Variants in HIVEP3 observed in about 807,000 individuals in gnomAD.
HIVEP3 encodes the protein transcription factor HIVEP3.
HIVEP3 carries 49 observed loss-of-function variants against 152.8 expected under a neutral mutation model. That is an observed-to-expected ratio of 0.32 (90% CI 0.26 to 0.41). The LOEUF is 0.41. Among genes scored for constraint, HIVEP3 ranks in the 10% least tolerant of loss-of-function variants. HIVEP3 has a pLI of 1.00. For missense variants in HIVEP3, 2,790 were observed against 3,103.3 expected, an observed-to-expected ratio of 0.90 and a Z score of 2.40; for synonymous variants, 1,269 against 1,289.0, an observed-to-expected ratio of 0.98 and a Z score of 0.33.
At chr1:41,538,553 G>T (rs1281998291) in intron 5 of HIVEP3, among the ~76,000 whole-genome samples, 1 of 152,208 alleles carries the variant, frequency 6.6e-6, no homozygotes, top group African/African-American at 2.4e-5. Context: ...CAGCTGGGAA[G>T]ATGGCAGCAG....
intron 1 of HIVEP3, among the ~76,000 whole-genome samples, chr1:41,842,850 T>C (rs1643329407): frequency 6.6e-6 from 1 of 152,198 alleles, no homozygotes; most frequent in Admixed American, 6.5e-5. Flanking sequence ...AGCCTCTTTC[T>C]TCATCAGCAA....
rs751877282 is a variant in HIVEP3, at chr1:41,918,212, G to T, written c.-801+201C>A. On this transcript the variant is annotated intron_variant, in intron 1 of 8. Transcript: ENST00000372583. This position sits in a 1 kb window ranked among gnomAD's most constrained non-coding sequence, Gnocchi z 4.3. ...CCGAGCAGCGCGCTCAGCCCACCGG[G>T]GGCACTGGCCGCCACGCGCAGCCCA... Among the ~76,000 whole-genome samples, 1 of 152,146 alleles carries T rather than the reference G, an allele frequency of 6.6e-6. No individual in the cohort carries two copies. The highest frequency in any genetic ancestry group is 2.1e-4 in the South Asian group (1 of 4,830).
chr1:41,875,733 G>A lies in HIVEP3; in HGVS notation c.-801+42680C>T, dbSNP rs537817188. On this transcript the variant is annotated intron_variant, in intron 1 of 8. Coordinates refer to ENST00000372583, the MANE Select transcript of HIVEP3 (RefSeq NM_024503.5). Reference sequence around the variant, plus strand: ...TGTCCCTGTGCCTGGCAGGTGCCCCGTCACTGGTACAGGCTGTCCCCACCC... The same window carrying A: ...TGTCCCTGTGCCTGGCAGGTGCCCCATCACTGGTACAGGCTGTCCCCACCC... 5.3e-5 allele frequency among the ~76,000 whole-genome samples: 8 copies of A among 152,298 alleles called. 1 individual carries two copies. The highest frequency in any genetic ancestry group is 2.1e-4 in the South Asian group (1 of 4,830).
At chr1:41,779,594 C>G (rs941877526) in intron 1 of HIVEP3, among the ~76,000 whole-genome samples, 10 of 152,368 alleles carry the variant, frequency 6.6e-5, no homozygotes, top group Admixed American at 2.6e-4. Context: ...CTCCAGGGTT[C>G]AAGCGATTCT....
At chr1:41,812,377 C>A (rs1241033516) in intron 1 of HIVEP3, among the ~76,000 whole-genome samples, 1 of 152,120 alleles carries the variant, frequency 6.6e-6, no homozygotes, top group African/African-American at 2.4e-5. Context: ...TTCAAGGCTG[C>A]AGTGAGCTAT....
chr1:41,526,767 TCACACTCACCCTAA>T, intron 5 of HIVEP3, among the ~76,000 whole-genome samples: 1 of 60,892 alleles, frequency 1.6e-5, no homozygotes, highest in Non-Finnish European at 3.4e-5. Context: ...ACACTCACCC[TCACACTCACCCTAA>T]CACACACCCT....
chr1:41,556,379 G>A (rs1437918006), intron 5 of HIVEP3, among the ~76,000 whole-genome samples: 1 of 152,166 alleles, frequency 6.6e-6, no homozygotes, highest in Non-Finnish European at 1.5e-5. Context: ...CATGATTAGT[G>A]AGGTTGAATG....
At chr1:41,730,532 G>C (rs1036635745) in intron 1 of HIVEP3, among the ~76,000 whole-genome samples, 1 of 152,246 alleles carries the variant, frequency 6.6e-6, no homozygotes, top group Non-Finnish European at 1.5e-5. Flanking sequence ...GCAATGCTGG[G>C]GGAGACCCTG....
chr1:41,805,785 G>C (rs1650568571), intron 1 of HIVEP3, among the ~76,000 whole-genome samples: 1 of 152,192 alleles, frequency 6.6e-6, no homozygotes, highest in Non-Finnish European at 1.5e-5. Flanking sequence ...AAAGATTTCT[G>C]ACCCACCTCT....
intron 1 of HIVEP3, among the ~76,000 whole-genome samples, chr1:41,997,829 T>C (rs549576590): frequency 6.6e-6 from 1 of 152,322 alleles, no homozygotes; most frequent in East Asian, 1.9e-4. Flanking sequence ...AATCAAGCAT[T>C]ATTAGTAAAC....
rs114795927 is a variant in HIVEP3 at position 42,020,445 on chromosome 1, G to A, written n.119+15362C>T. Among the ~76,000 whole-genome samples, 877 of 151,142 alleles carry A rather than the reference G, an allele frequency of 5.8e-3. 10 individuals are homozygous for A. Among genetic ancestry groups the A allele is most frequent in the African/African-American group, 0.02 (836 of 41,234 alleles). On this transcript the variant is annotated intron_variant and non_coding_transcript_variant, in intron 1 of 3. Transcript: ENST00000489103. ...TACTTGTGTTAGCTTTGGTATATCAGGTTTTTTGGAATTTGTTTATTTCAT... is the reference window on the plus strand; with the variant it reads ...TACTTGTGTTAGCTTTGGTATATCAAGTTTTTTGGAATTTGTTTATTTCAT...
intron 6 of HIVEP3, among the ~76,000 whole-genome samples, chr1:41,519,014 T>C (rs763291913): frequency 1.3e-5 from 2 of 151,942 alleles, no homozygotes; most frequent in African/African-American, 4.8e-5. Flanking sequence ...TTCTAAAGTG[T>C]AGGTAGAGAA....
chr1:41,814,315 T>G (rs1570593474), intron 1 of HIVEP3, among the ~76,000 whole-genome samples: 1 of 152,008 alleles, frequency 6.6e-6, no homozygotes, highest in Non-Finnish European at 1.5e-5. Flanking sequence ...CACAGGAGAG[T>G]GGGGTCACGT....
intron 1 of HIVEP3, among the ~76,000 whole-genome samples, chr1:42,005,840 T>C (rs940780806): frequency 2.6e-5 from 4 of 152,256 alleles, no homozygotes; most frequent in African/African-American, 9.6e-5. Context: ...TAAAATTTAA[T>C]ACTTTTGCTT....
intron 3 of HIVEP3, among the ~76,000 whole-genome samples, chr1:41,611,055 A>G (rs527313653): frequency 2.6e-5 from 4 of 152,320 alleles, no homozygotes; most frequent in South Asian, 4.2e-4. Flanking sequence ...GTGAGAAAGA[A>G]GGCCGTAGGC....
intron 2 of HIVEP3, among the ~76,000 whole-genome samples, chr1:41,671,522 T>C (rs910889656): frequency 1.3e-5 from 2 of 152,226 alleles, no homozygotes; most frequent in Non-Finnish European, 2.9e-5. Context: ...ACCCTGGCCA[T>C]CCTGTGTCCT....
intron 1 of HIVEP3, among the ~76,000 whole-genome samples, chr1:41,999,966 T>C (rs1645417720): frequency 6.6e-6 from 1 of 152,120 alleles, no homozygotes; most frequent in Non-Finnish European, 1.5e-5. Flanking sequence ...ATGTCCAGAC[T>C]CTACTAGTGA....
In HIVEP3 at chr1:41,510,974, G is replaced by A; in HGVS notation, c.6698C>T (p.Thr2233Ile). ...SGFSGGGSDL[T>I]GAREAQERGR... ...TCGCTCCTGGGCCTCCCGGGCCCCT[G>A]TCAGGTCGCTGCCACCCCCGGAGAA... The change falls in exon 9 of 9, where the codon ACA becomes ATA. Residue 2233 changes from threonine to isoleucine, a missense_variant. Transcript: ENST00000372583. 3 of 1,613,570 alleles carry A rather than the reference G, an allele frequency of 1.9e-6. No homozygotes were observed. The highest frequency in any genetic ancestry group is 2.5e-6 in the Non-Finnish European group (3 of 1,179,850).
chr1:41,741,827 G>C (rs2124206952), intron 1 of HIVEP3, among the ~76,000 whole-genome samples: 1 of 152,314 alleles, frequency 6.6e-6, no homozygotes, highest in East Asian at 1.9e-4. Context: ...TCAAACACAG[G>C]GCTGTTTTGA....
Sources: gnomAD v4.1 joint callset for allele counts (sites outside exome capture counted in the v4.1 genomes callset) on GRCh38, gnomAD v4.1.1 for gene constraint, Gnocchi (gnomAD v3.1) non-coding constraint, MANE v1.5 for transcripts, NCBI Gene and HGNC (gene_info 2026-07-23, HGNC 2026-07-21) for gene names.